The following NUP210L variants were observed in gnomAD, a reference collection of about 807,000 sequenced individuals.
NUP210L encodes nucleoporin 210 like.
Under a neutral mutation model 208.5 loss-of-function variants are expected in NUP210L, and 74 were observed. The observed-to-expected ratio is 0.35, with a 90% CI of 0.29 to 0.43. The LOEUF is 0.43. Among genes scored for constraint, NUP210L ranks in the 20% least tolerant of loss-of-function variants. NUP210L has a pLI of 1.00. For synonymous variants in NUP210L, 780 were observed against 816.9 expected, an observed-to-expected ratio of 0.95 and a Z score of 0.77; for missense variants, 1,843 against 2,289.4, an observed-to-expected ratio of 0.81 and a Z score of 3.98.
chr1:154,140,528 G>A (rs971402884), intron 4 of NUP210L, among the ~76,000 whole-genome samples: 1 of 151,066 alleles, frequency 6.6e-6, no homozygotes, highest in Non-Finnish European at 1.5e-5. Context: ...TTAGCTGGGC[G>A]TGGTGGCAGG....
chr1:154,021,723 T>C (rs1232230876), intron 32 of NUP210L, among the ~76,000 whole-genome samples: 8 of 152,244 alleles, frequency 5.3e-5, no homozygotes, highest in African/African-American at 1.4e-4. Flanking sequence ...GAAGACACAG[T>C]ACCCTGCACT....
intron 2 of NUP210L, among the ~76,000 whole-genome samples, chr1:154,145,976 G>T (rs1428579809): frequency 6.6e-6 from 1 of 152,006 alleles, no homozygotes; most frequent in African/African-American, 2.4e-5. Flanking sequence ...GGCTAGTCTA[G>T]AACACCTGGC....
At chr1:154,003,507 A>G (rs1170415773) in intron 35 of NUP210L, among the ~76,000 whole-genome samples, 1 of 150,332 alleles carries the variant, frequency 6.7e-6, no homozygotes. Context: ...TGCCTGGACT[A>G]TTTATTATTT....
At chr1:153,998,424 G>C (rs1027178131) in intron 37 of NUP210L, among the ~76,000 whole-genome samples, 14 of 151,742 alleles carry the variant, frequency 9.2e-5, no homozygotes, top group Non-Finnish European at 1.8e-4. Flanking sequence ...GCGTGGTGGC[G>C]GGCACCTGCA....
intron 35 of NUP210L, among the ~76,000 whole-genome samples, chr1:154,006,970 T>A (rs200043266): frequency 0.096 from 9,435 of 98,216 alleles, 499 homozygotes; most frequent in South Asian, 0.16. Flanking sequence ...ATATATATTT[T>A]TTTTTTTTTT....
At chr1:154,120,112 T>A (rs1657538272) in intron 10 of NUP210L, among the ~76,000 whole-genome samples, 1 of 152,224 alleles carries the variant, frequency 6.6e-6, no homozygotes, top group Non-Finnish European at 1.5e-5. Context: ...GATATCTCAT[T>A]GTGGTTTTGA....
intron 25 of NUP210L, among the ~76,000 whole-genome samples, chr1:154,046,916 G>A (rs1653211593): frequency 6.6e-6 from 1 of 152,110 alleles, no homozygotes; most frequent in African/African-American, 2.4e-5. Context: ...AAATTAGCTG[G>A]GTGTGGTGGC....
chr1:154,024,919 T>A (rs1179111822), intron 30 of NUP210L, among the ~76,000 whole-genome samples: 8 of 130,800 alleles, frequency 6.1e-5, no homozygotes, highest in Non-Finnish European at 1.3e-4. Context: ...TTTAGGCTGA[T>A]CTGTTTTTTT....
At position 154,082,796 on chromosome 1, in the gene NUP210L, G is replaced by A. The variant is rs563751650; in HGVS notation, c.2361+6625C>T. On this transcript the variant is annotated intron_variant, in intron 16 of 39. Transcript: ENST00000368559. ...TCTCGCTGACTTCAGGAGTGAAGCT[G>A]TAGACCTTCGCCTTGAGTGTTACAG... is the stretch of plus-strand genomic sequence containing the variant. Among the ~76,000 whole-genome samples, 3 of 152,326 alleles carry A rather than the reference G, an allele frequency of 2.0e-5. No homozygotes were observed. In the East Asian group the frequency reaches 5.8e-4, roughly 29 times the overall value.
chr1:154,042,951 A>C (rs971632333), intron 27 of NUP210L, among the ~76,000 whole-genome samples: 2 of 145,204 alleles, frequency 1.4e-5, no homozygotes, highest in African/African-American at 5.2e-5. Flanking sequence ...GGCTCAAGTG[A>C]CGCACCCACC....
chr1:154,006,966 A>ATATATATAT lies in NUP210L; in HGVS notation c.4930+3005_4930+3006insATATATATA, dbSNP rs1211789619. On this transcript the variant is annotated intron_variant, in intron 35 of 39. Coordinates refer to ENST00000368559, the Ensembl canonical transcript of NUP210L. ...TGTGTGTATATATATATATATATAT[A>ATATATATAT]TTTTTTTTTTTTTTTTAAATGGAGT... is the stretch of plus-strand genomic sequence containing the variant. Among the ~76,000 whole-genome samples the ATATATATAT allele has an allele frequency of 1.4e-3, 161 of 115,780 alleles. 2 individuals are homozygous for ATATATATAT. Among genetic ancestry groups the ATATATATAT allele is most frequent in the South Asian group, 7.1e-3 (25 of 3,544 alleles). 76.0% of individuals were successfully genotyped at this position (115,780 alleles called of 152,430 possible).
chr1:154,098,426 T>A (rs1190793937), intron 14 of NUP210L, among the ~76,000 whole-genome samples: 1 of 152,166 alleles, frequency 6.6e-6, no homozygotes, highest in African/African-American at 2.4e-5. Flanking sequence ...TTGTCCTGCA[T>A]CCAGGAAGAA....
At chr1:154,080,998 A>C (rs946442862) in intron 16 of NUP210L, among the ~76,000 whole-genome samples, 9 of 151,806 alleles carry the variant, frequency 5.9e-5, no homozygotes, top group Non-Finnish European at 2.9e-5. Flanking sequence ...AGAAAAGAAA[A>C]AAAAAGAAAA....
chr1:154,124,529 A>G (rs1029859110), intron 10 of NUP210L, among the ~76,000 whole-genome samples: 1 of 152,248 alleles, frequency 6.6e-6, no homozygotes, highest in Non-Finnish European at 1.5e-5. Flanking sequence ...CCAAAAGAAA[A>G]AAAATGTACA....
At chr1:154,097,372 A>C (rs1656228584) in intron 14 of NUP210L, among the ~76,000 whole-genome samples, 1 of 152,196 alleles carries the variant, frequency 6.6e-6, no homozygotes, top group Non-Finnish European at 1.5e-5. Flanking sequence ...AAAGAAAATC[A>C]TCATCACTTC....
chr1:153,995,871 G>A (rs895651509), intron 37 of NUP210L: 5 of 567,482 alleles, frequency 8.8e-6, no homozygotes, highest in Admixed American at 7.9e-5. Flanking sequence ...TGCTAAATGT[G>A]TTCGTGACTG....
intron 27 of NUP210L, among the ~76,000 whole-genome samples, chr1:154,030,442 G>A (rs1652149545): frequency 6.6e-6 from 1 of 150,870 alleles, no homozygotes; most frequent in African/African-American, 2.4e-5. Flanking sequence ...GGACTACAGG[G>A]GCACACCACC....
intron 17 of NUP210L, among the ~76,000 whole-genome samples, chr1:154,068,992 A>G (rs1654560440): frequency 6.6e-6 from 1 of 152,096 alleles, no homozygotes. Context: ...AAAATAAAAA[A>G]AGAAAGAAAG....
intron 7 of NUP210L, among the ~76,000 whole-genome samples, chr1:154,134,400 G>A (rs1658412923): frequency 6.8e-6 from 1 of 147,606 alleles, no homozygotes; most frequent in Non-Finnish European, 1.5e-5. Flanking sequence ...TGTTTTCATT[G>A]ACTATTACAG....
Sources: gnomAD v4.1 joint callset for allele counts (sites outside exome capture counted in the v4.1 genomes callset) on GRCh38, gnomAD v4.1.1 for gene constraint, MANE v1.5 for transcripts, NCBI Gene and HGNC (gene_info 2026-07-23, HGNC 2026-07-21) for gene names.